Variants in TRAK2 observed in about 807,000 individuals in gnomAD.
The protein encoded by TRAK2 is trafficking kinesin protein 2, also known as trafficking kinesin-binding protein 2.
Under a neutral mutation model 104.6 loss-of-function variants are expected in TRAK2, and 81 were observed. The observed-to-expected ratio is 0.77, with a 90% CI of 0.65 to 0.93. The LOEUF is 0.93. Ranked by LOEUF, TRAK2 falls within the 40% of genes least tolerant of loss-of-function variation. The pLI is 0.00. For missense variants in TRAK2, 1,002 were observed against 1,089.0 expected, an observed-to-expected ratio of 0.92 and a Z score of 1.12; for synonymous variants, 406 against 394.4, an observed-to-expected ratio of 1.03 and a Z score of -0.35.
chr2:201,389,578 T>C (rs928926331), intron 11 of TRAK2, 75 bp from the exon 12 acceptor site: 4 of 1,434,548 alleles, frequency 2.8e-6, no homozygotes, highest in African/African-American at 2.8e-5. Context: ...GTATGTGCAG[T>C]CCATCAGAAA....
Position 201,380,823 on chromosome 2 carries a change from C to T in TRAK2, c.2465G>A (p.Arg822Gln), listed in dbSNP as rs147042458. The T allele has an allele frequency of 3.7e-5, 60 of 1,614,000 alleles. No homozygotes were observed. Among genetic ancestry groups the T allele is most frequent in the African/African-American group, 3.3e-4 (25 of 74,994 alleles). ...LQEMYGLRPS[R>Q]NPPDVGQLKM... ...CAACTGGCCAACATCAGGAGGGTTC[C>T]GGGAGGGTCTCAAGCCATACATCTC... The change falls in exon 16 of 16, where the codon CGG becomes CAG. Residue 822 changes from arginine (R) to glutamine (Q), a missense_variant. Arg to Gln is a conservative substitution (Grantham distance 43, BLOSUM62 1). Coordinates refer to ENST00000332624, the MANE Select transcript of TRAK2 (RefSeq NM_015049.3).
chr2:201,397,869 TCA>T, intron 6 of TRAK2: 1 of 553,858 alleles, frequency 1.8e-6, no homozygotes, highest in Non-Finnish European at 3.2e-6. Context: ...GTAAAAGTTA[TCA>T]CAGTTGTAAC....
At chr2:201,427,831 C>T (rs1951803765) in intron 1 of TRAK2, among the ~76,000 whole-genome samples, 1 of 152,164 alleles carries the variant, frequency 6.6e-6, no homozygotes. Flanking sequence ...TCTCCAGCCA[C>T]CTGTTGTTTC....
At chr2:201,412,230 C>T (rs1223654383) in intron 2 of TRAK2, 1 of 957,182 alleles carries the variant, frequency 1.0e-6, no homozygotes, top group East Asian at 2.4e-5. Context: ...CATGCTTGGG[C>T]AGTAGAACCT....
rs570635969 is a variant in TRAK2, at chr2:201,422,512, G to A, written c.-199-1806C>T. The stretch of plus-strand genomic sequence containing the variant: ...CATAAATATTCAATGTTTTACAAGA[G>A]AGTTACCCTCAAGAAGTAGAAAGGA... On this transcript the variant is annotated intron_variant, in intron 1 of 15. Coordinates refer to ENST00000332624, the MANE Select transcript of TRAK2 (RefSeq NM_015049.3). Among the ~76,000 whole-genome samples the A allele has an allele frequency of 9.2e-5, 14 of 152,202 alleles. No individual in the cohort carries two copies. The South Asian group carries it at 2.5e-3, about 27-fold the overall frequency.
intron 12 of TRAK2, among the ~76,000 whole-genome samples, chr2:201,388,678 T>A (rs1210851165): frequency 6.6e-6 from 1 of 152,162 alleles, no homozygotes; most frequent in East Asian, 1.9e-4. Flanking sequence ...GATACTGGGG[T>A]ATAAATCCAC....
At chr2:201,439,031 T>C (rs1262389294) in intron 1 of TRAK2, among the ~76,000 whole-genome samples, 3 of 152,220 alleles carry the variant, frequency 2.0e-5, no homozygotes, top group Non-Finnish European at 4.4e-5. Flanking sequence ...AGATAAAAAA[T>C]AAATCTCTAT....
intron 2 of TRAK2, among the ~76,000 whole-genome samples, chr2:201,417,254 AAAAAAG>A (rs1199911203): frequency 6.6e-6 from 1 of 150,392 alleles, no homozygotes; most frequent in African/African-American, 2.4e-5. Flanking sequence ...AAAAAAAAAA[AAAAAAG>A]AAAAGAAAAA....
intron 13 of TRAK2, among the ~76,000 whole-genome samples, chr2:201,387,003 A>C (rs1369231718): frequency 6.6e-6 from 1 of 152,246 alleles, no homozygotes; most frequent in African/African-American, 2.4e-5. Context: ...GCAATGTCTA[A>C]TTATGTCACT....
chr2:201,382,505 AT>A (rs35405841), intron 15 of TRAK2, among the ~76,000 whole-genome samples: 86,724 of 151,872 alleles, frequency 0.57, 26,040 homozygotes, highest in South Asian at 0.69. Context: ...TATATATTGT[AT>A]TCCCAGTCTC....
intron 2 of TRAK2, among the ~76,000 whole-genome samples, chr2:201,408,177 A>G (rs1951613204): frequency 6.6e-6 from 1 of 152,156 alleles, no homozygotes; most frequent in South Asian, 2.1e-4. Flanking sequence ...AGTAACCACT[A>G]TTCTACTCTC....
intron 1 of TRAK2, among the ~76,000 whole-genome samples, chr2:201,442,096 C>T (rs762438109): frequency 3.3e-5 from 5 of 151,664 alleles, no homozygotes; most frequent in South Asian, 4.2e-4. Context: ...GAAAGCGATA[C>T]GAGCAGAGAG....
chr2:201,392,261 T>G (rs553058632), intron 10 of TRAK2, among the ~76,000 whole-genome samples: 1 of 152,252 alleles, frequency 6.6e-6, no homozygotes, highest in East Asian at 1.9e-4. Flanking sequence ...AGTTTAAAAT[T>G]ATTTCAAACA....
At chr2:201,412,783 C>T in intron 2 of TRAK2, 1 of 1,169,830 alleles carries the variant, frequency 8.5e-7, no homozygotes, top group South Asian at 1.2e-5. Context: ...AGTAATATTT[C>T]CATGTACCAT....
Position 201,389,882 on chromosome 2 carries a change from TAAG to T in TRAK2, c.1114-5_1114-3del, listed in dbSNP as rs1173478622. On this transcript the variant is annotated splice_polypyrimidine_tract_variant and splice_region_variant and intron_variant, in intron 10 of 15. Coordinates refer to ENST00000332624, the MANE Select transcript of TRAK2 (RefSeq NM_015049.3). ...CTCAATCTCAGCTGCCAAAGATTCC[TAAG>T]AAAAAGAGTTTGAGATTTCTAAAGT... 1 of 1,611,636 alleles carries T rather than the reference TAAG, an allele frequency of 6.2e-7. No individual in the cohort carries two copies. The highest frequency in any genetic ancestry group is 8.5e-7 in the Non-Finnish European group (1 of 1,178,872).
chr2:201,424,598 G>A (rs554975864), intron 1 of TRAK2, among the ~76,000 whole-genome samples: 1 of 150,596 alleles, frequency 6.6e-6, no homozygotes, highest in South Asian at 2.1e-4. Flanking sequence ...TTGTTCGTTT[G>A]TTTTTGTTTT....
At chr2:201,400,444 C>T (rs188001947) in intron 4 of TRAK2, among the ~76,000 whole-genome samples, 1 of 152,090 alleles carries the variant, frequency 6.6e-6, no homozygotes, top group East Asian at 1.9e-4. Context: ...AAATGGCATA[C>T]ATAGAAATCA....
intron 2 of TRAK2, chr2:201,411,864 G>A (rs1951650093): frequency 3.2e-6 from 3 of 947,214 alleles, no homozygotes; most frequent in Admixed American, 3.4e-5. Flanking sequence ...TGGTATCAAA[G>A]TATGTTTCAT....
intron 6 of TRAK2, 139 bp from the exon 7 acceptor site, chr2:201,397,719 T>G: frequency 1.6e-5 from 10 of 625,630 alleles, no homozygotes; most frequent in East Asian, 2.8e-5. Flanking sequence ...CATACATCTC[T>G]ACCTGGCTCA....
Sources: gnomAD v4.1 joint callset for allele counts (sites outside exome capture counted in the v4.1 genomes callset) on GRCh38, gnomAD v4.1.1 for gene constraint, MANE v1.5 for transcripts, NCBI Gene and HGNC (gene_info 2026-07-23, HGNC 2026-07-21) for gene names.